The following LRRTM4 variants were observed in gnomAD, a reference collection of about 807,000 sequenced individuals.
LRRTM4 encodes the protein leucine-rich repeat transmembrane neuronal protein 4.
LRRTM4 carries 25 observed loss-of-function variants against 47.6 expected under a neutral mutation model. That is an observed-to-expected ratio of 0.53 (90% CI 0.38 to 0.73). The LOEUF is 0.73. Ranked by LOEUF, LRRTM4 falls within the 30% of genes least tolerant of loss-of-function variation. The pLI, the probability that LRRTM4 is intolerant of heterozygous loss-of-function variation, is 0.00. For missense variants in LRRTM4, 638 were observed against 713.4 expected (o/e 0.89, Z 1.20); for synonymous variants, 311 against 269.5 (o/e 1.15, Z -1.51).
At chr2:77,477,734 G>A (rs1216376792) in intron 3 of LRRTM4, among the ~76,000 whole-genome samples, 1 of 151,094 alleles carries the variant, frequency 6.6e-6, no homozygotes, top group African/African-American at 2.4e-5. Flanking sequence ...GGCTACTTGG[G>A]AGGCTATGGC....
chr2:77,197,833 A>G (rs1673871647), intron 3 of LRRTM4, among the ~76,000 whole-genome samples: 1 of 152,168 alleles, frequency 6.6e-6, no homozygotes, highest in African/African-American at 2.4e-5. Flanking sequence ...ATTTTCTTTG[A>G]CTTACTGAAA....
chr2:76,891,557 C>CA (rs984892285), intron 3 of LRRTM4, among the ~76,000 whole-genome samples: 17 of 150,708 alleles, frequency 1.1e-4, no homozygotes, highest in South Asian at 6.3e-4. Context: ...AAAATTTATA[C>CA]AAAAAAAATC....
chr2:76,906,652 A>T lies in LRRTM4; in HGVS notation c.1552-157736T>A, dbSNP rs1056652631. 3.3e-5 allele frequency among the ~76,000 whole-genome samples: 5 copies of T among 152,128 alleles called. No homozygotes were observed. In the East Asian group the frequency reaches 9.6e-4, roughly 29 times the overall value. On this transcript the variant is annotated intron_variant, in intron 3 of 3. Coordinates refer to ENST00000409884, the MANE Select transcript of LRRTM4 (RefSeq NM_001134745.3). ...GCTCAAAATAAAAGGATGGAGGAAG[A>T]TCTACCAAGCCAATGGAAAACAAAA... is the stretch of plus-strand genomic sequence containing the variant.
At chr2:77,009,055 G>C (rs897295785) in intron 3 of LRRTM4, 10 of 151,588 alleles carry the variant, frequency 6.6e-5, no homozygotes, top group African/African-American at 1.9e-4. Flanking sequence ...ACAATCATTT[G>C]AAATTCAAAG....
intron 3 of LRRTM4, among the ~76,000 whole-genome samples, chr2:77,270,687 A>G (rs185179113): frequency 0.025 from 3,795 of 152,196 alleles, 176 homozygotes; most frequent in African/African-American, 0.087. Flanking sequence ...GACTAGGCAG[A>G]TAGGGGCATG....
chr2:77,158,939 C>A lies in LRRTM4; in HGVS notation c.1551+359379G>T, dbSNP rs145975356. 5.1e-3 allele frequency among the ~76,000 whole-genome samples: 770 copies of A among 152,064 alleles called. 6 individuals are homozygous for A. Among genetic ancestry groups the A allele is most frequent in the African/African-American group, 0.018 (733 of 41,520 alleles). Reference sequence around the variant, plus strand: ...TCTGCAAAATATAGGTATCTCAGAACGCTTTCACTCCGTGAATATTCTTGA... The same window carrying A: ...TCTGCAAAATATAGGTATCTCAGAAAGCTTTCACTCCGTGAATATTCTTGA... On this transcript the variant is annotated intron_variant, in intron 3 of 3. Coordinates refer to ENST00000409884, the MANE Select transcript of LRRTM4 (RefSeq NM_001134745.3).
intron 3 of LRRTM4, among the ~76,000 whole-genome samples, chr2:77,362,175 A>AAAGAAAGAAAGAG (rs1558707517): frequency 6.6e-6 from 1 of 151,746 alleles, no homozygotes; most frequent in African/African-American, 2.4e-5. Context: ...GAAAGAAAGG[A>AAAGAAAGAAAGAG]AGGAAGGAAG....
intron 3 of LRRTM4, among the ~76,000 whole-genome samples, chr2:76,812,771 C>CCACCCCCTCCTCCT (rs1670778600): frequency 1.0e-5 from 1 of 99,854 alleles, no homozygotes; most frequent in Non-Finnish European, 1.9e-5. Flanking sequence ...TCCTCCTCTC[C>CCACCCCCTCCTCCT]CTCCCCCTCC....
intron 3 of LRRTM4, among the ~76,000 whole-genome samples, chr2:77,014,708 A>G (rs183526131): frequency 2.1e-3 from 323 of 152,144 alleles, no homozygotes; most frequent in African/African-American, 7.5e-3. Context: ...GCTACCTGGG[A>G]GGCTGAAGCA....
At chr2:76,914,573 C>T (rs1240551091) in intron 3 of LRRTM4, among the ~76,000 whole-genome samples, 1 of 152,064 alleles carries the variant, frequency 6.6e-6, no homozygotes, top group African/African-American at 2.4e-5. Context: ...CATATTGTGT[C>T]AACTTAAAAA....
chr2:77,267,727 G>A (rs977872765), intron 3 of LRRTM4, among the ~76,000 whole-genome samples: 4 of 143,278 alleles, frequency 2.8e-5, no homozygotes, highest in South Asian at 2.4e-4. Context: ...CTCCTTTCAA[G>A]TTCAAAAATA....
intron 3 of LRRTM4, among the ~76,000 whole-genome samples, chr2:77,215,763 T>C (rs1263710747): frequency 6.6e-6 from 1 of 152,218 alleles, no homozygotes; most frequent in African/African-American, 2.4e-5. Context: ...TCGGTCAGTC[T>C]GGTTTCTTTG....
chr2:77,000,297 TA>T (rs1351199017), intron 3 of LRRTM4, among the ~76,000 whole-genome samples: 1 of 144,210 alleles, frequency 6.9e-6, no homozygotes, highest in Admixed American at 7.2e-5. Context: ...TTCTCAGCCT[TA>T]AGGGATTTCT....
At chr2:77,420,024 G>C (rs1433072337) in intron 3 of LRRTM4, among the ~76,000 whole-genome samples, 1 of 152,142 alleles carries the variant, frequency 6.6e-6, no homozygotes, top group Admixed American at 6.5e-5. Flanking sequence ...CAAAAGGCTG[G>C]GATGAAGGTG....
intron 3 of LRRTM4, among the ~76,000 whole-genome samples, chr2:76,873,508 A>ATATATATATATATATATATG (rs1672693642): frequency 1.3e-5 from 1 of 75,156 alleles, no homozygotes; most frequent in African/African-American, 4.5e-5. Flanking sequence ...ATATGTGTGT[A>ATATATATATATATATATATG]TATATATATA....
At chr2:77,216,440 G>A (rs891426258) in intron 3 of LRRTM4, among the ~76,000 whole-genome samples, 6 of 151,998 alleles carry the variant, frequency 3.9e-5, no homozygotes, top group African/African-American at 1.4e-4. Flanking sequence ...GCCGAGGTGG[G>A]CGGATCACGA....
intron 3 of LRRTM4, among the ~76,000 whole-genome samples, chr2:77,139,748 C>G (rs1471753595): frequency 6.6e-6 from 1 of 152,128 alleles, no homozygotes; most frequent in Non-Finnish European, 1.5e-5. Flanking sequence ...CCCAAATCTC[C>G]TTAAGTGGAT....
chr2:77,243,359 G>A (rs1195950721), intron 3 of LRRTM4, among the ~76,000 whole-genome samples: 7 of 147,318 alleles, frequency 4.8e-5, no homozygotes, highest in South Asian at 2.1e-4. Flanking sequence ...GCGGTGAGCC[G>A]AGATCGTGCC....
chr2:77,034,364 T>G (rs1678765042), intron 3 of LRRTM4, among the ~76,000 whole-genome samples: 1 of 151,988 alleles, frequency 6.6e-6, no homozygotes, highest in African/African-American at 2.4e-5. Flanking sequence ...TAAATTGCTC[T>G]TTTGACATTT....
Sources: gnomAD v4.1 joint callset for allele counts (sites outside exome capture counted in the v4.1 genomes callset) on GRCh38, gnomAD v4.1.1 for gene constraint, MANE v1.5 for transcripts, NCBI Gene and HGNC (gene_info 2026-07-23, HGNC 2026-07-21) for gene names.